The following NDUFS4 variants were observed in gnomAD, a reference collection of about 807,000 sequenced individuals.
The protein encoded by NDUFS4 is NADH dehydrogenase [ubiquinone] iron-sulfur protein 4, mitochondrial.
A neutral mutation model predicts 24.3 loss-of-function variants in NDUFS4; 28 were observed. The ratio of observed to expected loss-of-function variants is 1.15; its 90% CI spans 0.85 to 1.58. The LOEUF (loss-of-function observed/expected upper bound fraction) is 1.58, where lower values mean the gene tolerates loss of function less well. Ranked by LOEUF, NDUFS4 falls within the 40% of genes most tolerant of loss-of-function variation. The pLI, the probability that NDUFS4 is intolerant of heterozygous loss-of-function variation, is 0.00. For synonymous variants in NDUFS4, 93 were observed against 69.7 expected, an observed-to-expected ratio of 1.34 and a Z score of -1.67; for missense variants, 223 against 207.9, an observed-to-expected ratio of 1.07 and a Z score of -0.45.
At chr5:53,661,316 T>A (rs1380144277) in intron 4 of NDUFS4, among the ~76,000 whole-genome samples, 2 of 152,212 alleles carry the variant, frequency 1.3e-5, no homozygotes, top group African/African-American at 2.4e-5. Context: ...CTTGTAGATA[T>A]GCGGCATTAT....
rs111423814 is a variant in NDUFS4 at position 53,609,289 on chromosome 5, T to G, written c.177+5759T>G. Among the ~76,000 whole-genome samples, 136 of 152,342 alleles carry G rather than the reference T, an allele frequency of 8.9e-4. 1 individual carries two copies. The highest frequency in any genetic ancestry group is 6.8e-3 in the Middle Eastern group (2 of 294). On this transcript the variant is annotated intron_variant, in intron 2 of 4. Transcript: ENST00000296684. ...CAAAATTACTCCTTGGTCCACGGGC[T>G]GCAGAGTGGATGTTGTGTTAGCAGG...
chr5:53,565,668 T>A (rs1259423156), intron 1 of NDUFS4, among the ~76,000 whole-genome samples: 2 of 152,220 alleles, frequency 1.3e-5, no homozygotes, highest in Non-Finnish European at 2.9e-5. Flanking sequence ...TTTGCAGTGG[T>A]CTGAGTGTAG....
At chr5:53,669,115 A>G (rs1434396627) in intron 4 of NDUFS4, among the ~76,000 whole-genome samples, 4 of 152,178 alleles carry the variant, frequency 2.6e-5, no homozygotes, top group African/African-American at 9.7e-5. Flanking sequence ...CCTAAAAATA[A>G]TTACTACTTG....
At chr5:53,625,431 T>C (rs1453627958) in intron 2 of NDUFS4, among the ~76,000 whole-genome samples, 1 of 152,142 alleles carries the variant, frequency 6.6e-6, no homozygotes, top group Admixed American at 6.5e-5. Flanking sequence ...AATTTGGAAA[T>C]TTTTCTTCAA....
intron 2 of NDUFS4, among the ~76,000 whole-genome samples, chr5:53,634,568 G>T (rs1054134485): frequency 1.3e-5 from 2 of 151,990 alleles, no homozygotes; most frequent in African/African-American, 4.8e-5. Flanking sequence ...GTTCTGTTCT[G>T]TTCTTTCTTT....
At chr5:53,589,834 A>G (rs1027088476) in intron 1 of NDUFS4, among the ~76,000 whole-genome samples, 4 of 152,196 alleles carry the variant, frequency 2.6e-5, no homozygotes, top group Non-Finnish European at 4.4e-5. Context: ...CCAGCCATAC[A>G]TCTTTCTCCC....
In NDUFS4 at chr5:53,589,701, G is replaced by A. The variant is rs530463800; in HGVS notation, c.99-13751G>A. On this transcript the variant is annotated intron_variant, in intron 1 of 4. Transcript: ENST00000296684. ...GTTGCCAAAGGAGATTAACATTTGAGTCAGTGGGCTGGGAAAGGCAGACCC... is the reference window on the plus strand; with the variant it reads ...GTTGCCAAAGGAGATTAACATTTGAATCAGTGGGCTGGGAAAGGCAGACCC... Among the ~76,000 whole-genome samples, 5 of 152,294 alleles carry A rather than the reference G, an allele frequency of 3.3e-5. No individual in the cohort carries two copies. In the South Asian group the frequency reaches 6.2e-4, roughly 19 times the overall value.
intron 1 of NDUFS4, among the ~76,000 whole-genome samples, chr5:53,580,372 G>C (rs555791797): frequency 9.8e-5 from 15 of 152,294 alleles, no homozygotes; most frequent in Non-Finnish European, 1.9e-4. Flanking sequence ...CTAGACGACT[G>C]GCTTATTAAG....
intron 1 of NDUFS4, among the ~76,000 whole-genome samples, chr5:53,579,363 C>G (rs1012077529): frequency 2.0e-5 from 3 of 152,112 alleles, no homozygotes; most frequent in African/African-American, 7.2e-5. Context: ...AACCCACCAT[C>G]CAATTTACAC....
At chr5:53,575,967 A>G (rs967958080) in intron 1 of NDUFS4, among the ~76,000 whole-genome samples, 2 of 152,248 alleles carry the variant, frequency 1.3e-5, no homozygotes, top group Admixed American at 6.5e-5. Flanking sequence ...GTGGTTGAAA[A>G]TCATGACTTT....
At chr5:53,662,006 T>A (rs1022931551) in intron 4 of NDUFS4, among the ~76,000 whole-genome samples, 41 of 152,324 alleles carry the variant, frequency 2.7e-4, no homozygotes, top group Non-Finnish European at 4.4e-4. Context: ...CCTGCCTGAT[T>A]GCCCTGGCCA....
At chr5:53,669,235 AAG>A (rs1752601885) in intron 4 of NDUFS4, among the ~76,000 whole-genome samples, 1 of 152,144 alleles carries the variant, frequency 6.6e-6, no homozygotes, top group African/African-American at 2.4e-5. Flanking sequence ...AAACATCTTC[AAG>A]AGTCTGTGTT....
intron 1 of NDUFS4, among the ~76,000 whole-genome samples, chr5:53,582,131 A>G (rs1749585408): frequency 6.6e-6 from 1 of 152,084 alleles, no homozygotes; most frequent in Admixed American, 6.6e-5. Context: ...GAATGGTGTG[A>G]ACCCAGGAGG....
intron 2 of NDUFS4, among the ~76,000 whole-genome samples, chr5:53,627,442 A>G (rs1195358583): frequency 2.0e-5 from 3 of 152,226 alleles, no homozygotes; most frequent in South Asian, 2.1e-4. Flanking sequence ...CTTGATGGGT[A>G]TAGCATTGAA....
chr5:53,661,250 A>G (rs1165893371), intron 4 of NDUFS4, among the ~76,000 whole-genome samples: 1 of 152,170 alleles, frequency 6.6e-6, no homozygotes, highest in Non-Finnish European at 1.5e-5. Flanking sequence ...CCATTTCTTA[A>G]ATAGGGAATC....
chr5:53,618,943 G>A lies in NDUFS4; in HGVS notation c.177+15413G>A, dbSNP rs118182271. Among the ~76,000 whole-genome samples, 98 of 150,544 alleles carry A rather than the reference G, an allele frequency of 6.5e-4. 2 individuals carry two copies. The East Asian group carries it at 0.019, about 29-fold the overall frequency. ...AGCCTGGGCAACATGGTGAAACCCC[G>A]TCCCTACTAAAATACAAAACATTAG... On this transcript the variant is annotated intron_variant, in intron 2 of 4. Coordinates refer to ENST00000296684, the MANE Select transcript of NDUFS4 (RefSeq NM_002495.4).
At chr5:53,588,159 CCA>C (rs1333395109) in intron 1 of NDUFS4, among the ~76,000 whole-genome samples, 5 of 152,160 alleles carry the variant, frequency 3.3e-5, no homozygotes, top group Non-Finnish European at 5.9e-5. Context: ...TATTTTTCCA[CCA>C]CACTGTAGAC....
intron 1 of NDUFS4, among the ~76,000 whole-genome samples, chr5:53,567,997 A>G (rs1345160743): frequency 1.3e-5 from 2 of 152,172 alleles, no homozygotes; most frequent in Non-Finnish European, 2.9e-5. Context: ...CTTCATAACA[A>G]CTTTCATCTA....
intron 1 of NDUFS4, among the ~76,000 whole-genome samples, chr5:53,582,236 A>AAATTAAATT (rs1554054135): frequency 1.6e-5 from 2 of 128,428 alleles, no homozygotes; most frequent in Admixed American, 8.0e-5. Flanking sequence ...AAAATAAAAT[A>AAATTAAATT]AAATAAAATT....
Sources: gnomAD v4.1 joint callset for allele counts (sites outside exome capture counted in the v4.1 genomes callset) on GRCh38, gnomAD v4.1.1 for gene constraint, MANE v1.5 for transcripts, NCBI Gene and HGNC (gene_info 2026-07-23, HGNC 2026-07-21) for gene names.